ULK4: variants seen among roughly 807,000 people sequenced by gnomAD.
ULK4 encodes the protein inactive serine/threonine-protein kinase ULK4.
In ULK4, 133 loss-of-function variants were observed where a neutral mutation model predicts 160.6. The ratio of observed to expected loss-of-function variants is 0.83; its 90% CI spans 0.72 to 0.96. The LOEUF is 0.96. ULK4 is among the 40% of genes least tolerant of loss of function. The probability of loss-of-function intolerance (pLI) is 0.00; values close to 1 mark genes in which losing one functional copy is unlikely to be tolerated. For synonymous variants in ULK4, 534 were observed against 539.8 expected (o/e 0.99, Z 0.15); for missense variants, 1,580 against 1,499.5 (o/e 1.05, Z -0.89).
intron 32 of ULK4, among the ~76,000 whole-genome samples, chr3:41,494,301 G>T (rs2084906479): frequency 9.2e-6 from 1 of 108,994 alleles, no homozygotes; most frequent in Non-Finnish European, 2.0e-5. Context: ...ATGTAATCCA[G>T]CATATAAACA....
chr3:41,720,597 G>T (rs2037415126), intron 22 of ULK4, among the ~76,000 whole-genome samples: 1 of 151,694 alleles, frequency 6.6e-6, no homozygotes, highest in Non-Finnish European at 1.5e-5. Flanking sequence ...AATGAGCAAG[G>T]ACTAAGAGAA....
intron 21 of ULK4, 47 bp from the exon 22 acceptor site, chr3:41,754,535 G>A (rs539402822): frequency 2.5e-6 from 4 of 1,586,284 alleles, no homozygotes; most frequent in Non-Finnish European, 3.4e-6. Context: ...TAAAAAAATA[G>A]GGCAGTCTCA....
intron 20 of ULK4, among the ~76,000 whole-genome samples, chr3:41,799,198 C>T (rs956763267): frequency 1.3e-5 from 2 of 151,944 alleles, no homozygotes; most frequent in African/African-American, 2.4e-5. Flanking sequence ...TGCCACATAG[C>T]GTTTGAGAGC....
chr3:41,698,752 T>G (rs2036578220), intron 27 of ULK4, among the ~76,000 whole-genome samples: 1 of 152,190 alleles, frequency 6.6e-6, no homozygotes, highest in Admixed American at 6.5e-5. Flanking sequence ...AATATGAACA[T>G]ACTCACGTAA....
At chr3:41,872,474 C>T (rs887499462) in intron 17 of ULK4, among the ~76,000 whole-genome samples, 1 of 152,162 alleles carries the variant, frequency 6.6e-6, no homozygotes, top group Non-Finnish European at 1.5e-5. Flanking sequence ...AGTTCCTTGC[C>T]CCAGGAAGAA....
At chr3:41,601,608 G>GTA (rs1463477823) in intron 31 of ULK4, among the ~76,000 whole-genome samples, 1 of 152,040 alleles carries the variant, frequency 6.6e-6, no homozygotes. Flanking sequence ...CATGCTAACT[G>GTA]TATATATCCT....
At chr3:41,909,092 CA>C (rs59762077) in intron 11 of ULK4, among the ~76,000 whole-genome samples, 15 of 106,322 alleles carry the variant, frequency 1.4e-4, no homozygotes, top group African/African-American at 4.9e-4. Context: ...CACTCCATCT[CA>C]AAAAAAAAAA....
intron 35 of ULK4, among the ~76,000 whole-genome samples, chr3:41,389,926 G>A (rs941595395): frequency 7.9e-5 from 12 of 152,132 alleles, no homozygotes; most frequent in African/African-American, 2.7e-4. Flanking sequence ...TCTATTAATT[G>A]GAATAGTTTC....
intron 34 of ULK4, among the ~76,000 whole-genome samples, chr3:41,403,166 G>A (rs1432267929): frequency 1.3e-5 from 2 of 150,376 alleles, no homozygotes; most frequent in Non-Finnish European, 3.0e-5. Context: ...AAAAAAAAAA[G>A]TAATTATATA....
Position 41,563,901 on chromosome 3 carries a change from T to C in ULK4, c.3226+2124A>G, listed in dbSNP as rs556737234. ...CATTCTCTGTCCAGCTTTGTTCCGT[T>C]GCTGGAGAGGAGTTGCGATCCTTTG... On this transcript the variant is annotated intron_variant, in intron 32 of 36. Coordinates refer to ENST00000301831, the MANE Select transcript of ULK4 (RefSeq NM_017886.4). Among the ~76,000 whole-genome samples the C allele has an allele frequency of 7.2e-5, 11 of 152,364 alleles. No homozygotes were observed. In the East Asian group the frequency reaches 2.1e-3, roughly 29 times the overall value.
At chr3:41,939,268 C>T (rs189006918) in intron 2 of ULK4, among the ~76,000 whole-genome samples, 3 of 151,310 alleles carry the variant, frequency 2.0e-5, no homozygotes, top group Admixed American at 6.6e-5. Flanking sequence ...TCAAGCAATT[C>T]CCTGCCTCAG....
chr3:41,662,506 T>G (rs879801084), intron 30 of ULK4, among the ~76,000 whole-genome samples: 4 of 152,216 alleles, frequency 2.6e-5, no homozygotes, highest in African/African-American at 7.2e-5. Context: ...ATATGAGTAC[T>G]TTTTAAAAAC....
chr3:41,349,997 G>A (rs2080876673), intron 35 of ULK4, among the ~76,000 whole-genome samples: 1 of 152,116 alleles, frequency 6.6e-6, no homozygotes, highest in South Asian at 2.1e-4. Context: ...TTTCATTGGT[G>A]TATTTTCCAG....
chr3:41,890,718 AG>A (rs1697901057), intron 16 of ULK4, among the ~76,000 whole-genome samples: 1 of 95,336 alleles, frequency 1.0e-5, no homozygotes, highest in Non-Finnish European at 2.1e-5. Context: ...AAGGGACAGG[AG>A]GGACGGGAGG....
intron 35 of ULK4, among the ~76,000 whole-genome samples, chr3:41,258,999 CATATGTATACATATATACATATCT>C (rs2125674795): frequency 6.9e-6 from 1 of 145,762 alleles, no homozygotes; most frequent in East Asian, 2.0e-4. Context: ...TACATATATA[CATATGTATACATATATACATATCT>C]ATGTGTATAT....
intron 35 of ULK4, among the ~76,000 whole-genome samples, chr3:41,348,311 A>G (rs1253652487): frequency 6.6e-6 from 1 of 151,688 alleles, no homozygotes; most frequent in East Asian, 1.9e-4. Flanking sequence ...CGTAGCATTC[A>G]CCTCCAGCAA....
chr3:41,889,004 C>G (rs994346472), intron 16 of ULK4, among the ~76,000 whole-genome samples: 1 of 152,142 alleles, frequency 6.6e-6, no homozygotes, highest in Non-Finnish European at 1.5e-5. Flanking sequence ...CTATACCAAT[C>G]AATTTAATCA....
At chr3:41,793,454 T>C (rs980413967) in intron 20 of ULK4, among the ~76,000 whole-genome samples, 1 of 152,152 alleles carries the variant, frequency 6.6e-6, no homozygotes, top group African/African-American at 2.4e-5. Flanking sequence ...AAATGATTTT[T>C]TGATGTCATA....
Position 41,642,463 on chromosome 3 carries a change from G to C in ULK4, c.3071+21144C>G, listed in dbSNP as rs531445241. ...TGTTTGGTTTTTTGTCCTTGCCATA[G>C]TTTACTGAGAATGATGATTTCCAAT... On this transcript the variant is annotated intron_variant, in intron 30 of 36. Coordinates refer to ENST00000301831, the MANE Select transcript of ULK4 (RefSeq NM_017886.4). Among the ~76,000 whole-genome samples, 3 of 152,122 alleles carry C rather than the reference G, an allele frequency of 2.0e-5. No homozygotes were observed. In the South Asian group the frequency reaches 6.2e-4, roughly 32 times the overall value.
Sources: gnomAD v4.1 joint callset for allele counts (sites outside exome capture counted in the v4.1 genomes callset) on GRCh38, gnomAD v4.1.1 for gene constraint, MANE v1.5 for transcripts, NCBI Gene and HGNC (gene_info 2026-07-23, HGNC 2026-07-21) for gene names.